CMBL: variants seen among roughly 807,000 people sequenced by gnomAD.
The protein encoded by CMBL is carboxymethylenebutenolidase homolog (Pseudomonas).
In CMBL, 17 loss-of-function variants were observed where a neutral mutation model predicts 28.7. The observed-to-expected ratio is 0.59, with a 90% CI of 0.41 to 0.89. The LOEUF (loss-of-function observed/expected upper bound fraction) is 0.89. Among genes scored for constraint, CMBL ranks in the 40% least tolerant of loss-of-function variants. The pLI, the probability that CMBL is intolerant of heterozygous loss-of-function variation, is 0.00. For synonymous variants in CMBL, 106 were observed against 101.6 expected, an observed-to-expected ratio of 1.04 and a Z score of -0.26; for missense variants, 310 against 298.5, an observed-to-expected ratio of 1.04 and a Z score of -0.28.
At chr5:10,298,810 T>A (rs1053884063) in intron 1 of CMBL, among the ~76,000 whole-genome samples, 6 of 152,190 alleles carry the variant, frequency 3.9e-5, no homozygotes, top group African/African-American at 1.2e-4. Context: ...TGAGAATCAC[T>A]GGAATCCAGG....
intron 4 of CMBL, among the ~76,000 whole-genome samples, chr5:10,283,354 C>T (rs1440388914): frequency 6.6e-6 from 1 of 152,160 alleles, no homozygotes; most frequent in East Asian, 1.9e-4. Flanking sequence ...CGGGTTCTGG[C>T]TTGAATGCAC....
chr5:10,286,366 C>A lies in CMBL; in HGVS notation c.454G>T (p.Val152Leu). 6.2e-7 allele frequency: 1 copy of A among 1,613,902 alleles called. No homozygotes were observed. Among genetic ancestry groups the A allele is most frequent in the Non-Finnish European group, 8.5e-7 (1 of 1,179,880 alleles). The change falls in exon 4 of 6, where the codon GTG becomes TTG. Residue 152 changes from valine to leucine, a missense_variant. Val to Leu is a conservative substitution (Grantham distance 32, BLOSUM62 1). Coordinates refer to ENST00000296658, the MANE Select transcript of CMBL (RefSeq NM_138809.4). ...AAGGCAGATTTACCATAGACGGACA[C>A]CCCTGCCCTGAATTCTGAGTATTTC... Reference protein sequence around the residue: ...MMKYSEFRAGVSVYGIVKDSE... With the variant: ...MMKYSEFRAGLSVYGIVKDSE...
chr5:10,303,927 T>G (rs938469495), intron 1 of CMBL, among the ~76,000 whole-genome samples: 1 of 152,144 alleles, frequency 6.6e-6, no homozygotes, highest in African/African-American at 2.4e-5. Flanking sequence ...ACAGTAAGGA[T>G]TTTTGTGTCC....
rs1440038780 is a variant in CMBL, at chr5:10,277,944, C to T, written c.*2509G>A. Among the ~76,000 whole-genome samples, 2 of 152,228 alleles carry T rather than the reference C, an allele frequency of 1.3e-5. No homozygotes were observed. Among genetic ancestry groups the T allele is most frequent in the Non-Finnish European group, 2.9e-5 (2 of 68,042 alleles). Reference sequence around the variant, plus strand: ...GCTACTGGCCACATGCTCACCGACACCGTTCCACGGCAAAAGCCCAGCACA... The same window carrying T: ...GCTACTGGCCACATGCTCACCGACATCGTTCCACGGCAAAAGCCCAGCACA... On this transcript the variant is annotated 3_prime_UTR_variant, in exon 6 of 6. Transcript: ENST00000296658.
chr5:10,306,181 G>T (rs1425331471), intron 1 of CMBL, among the ~76,000 whole-genome samples: 1 of 152,164 alleles, frequency 6.6e-6, no homozygotes, highest in East Asian at 1.9e-4. Flanking sequence ...TGGTTTTCCT[G>T]ATTTCACGCC....
rs564872798 is a variant in CMBL, at chr5:10,289,892, T to A, written c.215+656A>T. Among the ~76,000 whole-genome samples the A allele has an allele frequency of 6.6e-6, 1 of 152,268 alleles. No individual in the cohort carries two copies. Among genetic ancestry groups the A allele is most frequent in the East Asian group, 1.9e-4 (1 of 5,176 alleles). On this transcript the variant is annotated intron_variant, in intron 2 of 5. Transcript: ENST00000296658. This position sits in a 1 kb window ranked among gnomAD's most constrained non-coding sequence, Gnocchi z 4.3. The stretch of plus-strand genomic sequence containing the variant: ...ACAAAGGAAATCCAGCCGTGCACCA[T>A]CCTCAGGGCTCACTGGGTTGATGCT...
chr5:10,278,616 T>C lies in CMBL; in HGVS notation c.*1837A>G, dbSNP rs1746436945. 6.6e-6 allele frequency among the ~76,000 whole-genome samples: 1 copy of C among 152,142 alleles called. No homozygotes were observed. The highest frequency in any genetic ancestry group is 2.4e-5 in the African/African-American group (1 of 41,446). On this transcript the variant is annotated 3_prime_UTR_variant, in exon 6 of 6. Transcript: ENST00000296658. ...TCTGGTTGAGCCCATGTGTCCTGAA[T>C]GGCTCCCCCTTTTTGCTGGCCCTGT... is the stretch of plus-strand genomic sequence containing the variant.
At chr5:10,306,906 TC>T (rs1213658252) in intron 1 of CMBL, among the ~76,000 whole-genome samples, 1 of 151,486 alleles carries the variant, frequency 6.6e-6, no homozygotes, top group African/African-American at 2.4e-5. Context: ...TGGACAGGAT[TC>T]CCCGGATACC....
At chr5:10,301,223 C>T (rs1250453724) in intron 1 of CMBL, among the ~76,000 whole-genome samples, 3 of 151,972 alleles carry the variant, frequency 2.0e-5, no homozygotes, top group African/African-American at 7.3e-5. Flanking sequence ...TATATAATTC[C>T]CTTCACATTA....
intron 2 of CMBL, among the ~76,000 whole-genome samples, chr5:10,290,116 G>T (rs946990700): frequency 6.6e-6 from 1 of 152,226 alleles, no homozygotes; most frequent in Non-Finnish European, 1.5e-5. Flanking sequence ...GGCCACGACC[G>T]TACGTGTATG....
chr5:10,307,032 G>A lies in CMBL; in HGVS notation c.-20+593C>T, dbSNP rs190342454. Among the ~76,000 whole-genome samples, 333 of 152,234 alleles carry A rather than the reference G, an allele frequency of 2.2e-3. 3 individuals are homozygous for A. The highest frequency in any genetic ancestry group is 7.1e-3 in the African/African-American group (295 of 41,538). Reference sequence around the variant, plus strand: ...TGCCCAGTGTTTCCAAGGCCTGCCCGACCCACATGGCTGTGGGGTGTAAAC... The same window carrying A: ...TGCCCAGTGTTTCCAAGGCCTGCCCAACCCACATGGCTGTGGGGTGTAAAC... On this transcript the variant is annotated intron_variant, in intron 1 of 5. Coordinates refer to ENST00000296658, the MANE Select transcript of CMBL (RefSeq NM_138809.4).
At chr5:10,292,249 G>C (rs61697946) in intron 1 of CMBL, 36,503 of 151,984 alleles carry the variant, frequency 0.24, 6,211 homozygotes, top group African/African-American at 0.48. Flanking sequence ...TCTTGCCCCG[G>C]CTGGAGTGCA....
At chr5:10,280,747 G>C (rs1746484540) in intron 5 of CMBL, 115 bp from the exon 6 acceptor site, 1 of 898,836 alleles carries the variant, frequency 1.1e-6, no homozygotes, top group Admixed American at 2.4e-5. Flanking sequence ...TCAGAAACAA[G>C]TTCCACAGTT....
At chr5:10,297,960 G>A (rs1362406720) in intron 1 of CMBL, among the ~76,000 whole-genome samples, 3 of 152,178 alleles carry the variant, frequency 2.0e-5, no homozygotes, top group Non-Finnish European at 4.4e-5. Flanking sequence ...GAGGCGGGAC[G>A]AGGGCTGGGG....
chr5:10,299,455 TACAAA>T lies in CMBL; in HGVS notation c.-20+8165_-20+8169del, dbSNP rs1375610358. On this transcript the variant is annotated intron_variant, in intron 1 of 5. Coordinates refer to ENST00000296658, the MANE Select transcript of CMBL (RefSeq NM_138809.4). Reference sequence around the variant, plus strand: ...GGAAATGGGAGGGCATGTGAAATGATACAAACCCTGGAAGGAGTCTAGCAAAGTTA... The same window carrying T: ...GGAAATGGGAGGGCATGTGAAATGATCCCTGGAAGGAGTCTAGCAAAGTTA... Among the ~76,000 whole-genome samples the T allele has an allele frequency of 2.0e-5, 3 of 152,238 alleles. No homozygotes were observed. In the East Asian group the frequency reaches 5.8e-4, roughly 29 times the overall value.
intron 4 of CMBL, among the ~76,000 whole-genome samples, chr5:10,284,350 C>T (rs1421635622): frequency 6.6e-6 from 1 of 152,242 alleles, no homozygotes; most frequent in Non-Finnish European, 1.5e-5. Flanking sequence ...GCGTTTTTAA[C>T]TCTAAAAGTA....
intron 1 of CMBL, among the ~76,000 whole-genome samples, chr5:10,299,584 A>T (rs1176745150): frequency 6.6e-6 from 1 of 152,028 alleles, no homozygotes; most frequent in African/African-American, 2.4e-5. Flanking sequence ...CATGCCTGTA[A>T]TCCCAGCACT....
At chr5:10,290,211 G>A (rs1016151945) in intron 2 of CMBL, among the ~76,000 whole-genome samples, 4 of 152,188 alleles carry the variant, frequency 2.6e-5, no homozygotes, top group Non-Finnish European at 4.4e-5. Context: ...ACCGAGTCAC[G>A]GGTCCATTTG....
intron 1 of CMBL, among the ~76,000 whole-genome samples, chr5:10,292,754 G>A (rs552540445): frequency 6.6e-6 from 1 of 151,350 alleles, no homozygotes; most frequent in South Asian, 2.1e-4. Flanking sequence ...AACTCGGGAG[G>A]TGGAGGTTGC....
Sources: gnomAD v4.1 joint callset for allele counts (sites outside exome capture counted in the v4.1 genomes callset) on GRCh38, gnomAD v4.1.1 for gene constraint, Gnocchi (gnomAD v3.1) non-coding constraint, MANE v1.5 for transcripts, NCBI Gene and HGNC (gene_info 2026-07-23, HGNC 2026-07-21) for gene names.